TDRD3: variants seen among roughly 807,000 people sequenced by gnomAD.
TDRD3 encodes the protein tudor domain containing 3.
Under a neutral mutation model 86.7 loss-of-function variants are expected in TDRD3, and 45 were observed. The observed-to-expected ratio is 0.52, with a 90% CI of 0.41 to 0.67. The LOEUF (loss-of-function observed/expected upper bound fraction) is 0.67. TDRD3 is among the 30% of genes least tolerant of loss of function. TDRD3 has a pLI of 0.00. For missense variants in TDRD3, 814 were observed against 889.0 expected (o/e 0.92, Z 1.07); for synonymous variants, 298 against 301.7 (o/e 0.99, Z 0.13).
chr13:60,444,867 C>A, intron 3 of TDRD3, 119 bp downstream of exon 3: 1 of 500,970 alleles, frequency 2.0e-6, no homozygotes, highest in Non-Finnish European at 3.4e-6. Flanking sequence ...TGGAGGTGAA[C>A]AGGTCACAAA....
chr13:60,547,967 C>T (rs1181807312), intron 12 of TDRD3, among the ~76,000 whole-genome samples: 10 of 152,018 alleles, frequency 6.6e-5, no homozygotes, highest in Admixed American at 4.6e-4. Context: ...GAGGGAAGTC[C>T]CTTGAATCCT....
At chr13:60,433,613 A>C (rs76569068) in intron 1 of TDRD3, among the ~76,000 whole-genome samples, 7,424 of 152,324 alleles carry the variant, frequency 0.049, 287 homozygotes, top group Middle Eastern at 0.078. Flanking sequence ...ACAGGAGCAA[A>C]TAATTTAAAT....
At chr13:60,527,479 A>G (rs917310168) in intron 10 of TDRD3, among the ~76,000 whole-genome samples, 1 of 152,208 alleles carries the variant, frequency 6.6e-6, no homozygotes, top group African/African-American at 2.4e-5. Flanking sequence ...ATTATGATGT[A>G]TGACAAAGGA....
chr13:60,507,948 C>G (rs1956974023), intron 8 of TDRD3, among the ~76,000 whole-genome samples: 1 of 152,104 alleles, frequency 6.6e-6, no homozygotes, highest in Non-Finnish European at 1.5e-5. Context: ...AGCCAATGTG[C>G]AAAAATCACA....
At chr13:60,514,752 T>C (rs1957132169) in intron 10 of TDRD3, among the ~76,000 whole-genome samples, 1 of 152,084 alleles carries the variant, frequency 6.6e-6, no homozygotes, top group Non-Finnish European at 1.5e-5. Context: ...TCCTAAGGAG[T>C]TTTAATTCTG....
At chr13:60,432,163 A>G (rs1238986511) in intron 1 of TDRD3, among the ~76,000 whole-genome samples, 1 of 152,022 alleles carries the variant, frequency 6.6e-6, no homozygotes, top group Non-Finnish European at 1.5e-5. Context: ...CCTCTGAATT[A>G]CCTTTTGTAG....
rs182561060 is a variant in TDRD3 at position 60,560,293 on chromosome 13, T to A, written c.2119-7232T>A. ...ATTGTAAGGATTAAATAAGATAACA[T>A]GCAAAATGCCAGGCACACAATGGAA... On this transcript the variant is annotated intron_variant, in intron 12 of 13. Coordinates refer to ENST00000377881, the MANE Select transcript of TDRD3 (RefSeq NM_001146070.2). Among the ~76,000 whole-genome samples the A allele has an allele frequency of 5.3e-5, 8 of 152,274 alleles. No homozygotes were observed. The East Asian group carries it at 1.5e-3, about 29-fold the overall frequency.
In TDRD3 at chr13:60,520,086, A is replaced by G. The variant is rs563860091; in HGVS notation, c.1142-8281A>G. ...AAAAGGGGCTTTGAAACACCAAAAA[A>G]TTAGTTGTTTGAACACTGGGCATCA... On this transcript the variant is annotated intron_variant, in intron 10 of 13. Coordinates refer to ENST00000377881, the MANE Select transcript of TDRD3 (RefSeq NM_001146070.2). Among the ~76,000 whole-genome samples the G allele has an allele frequency of 4.9e-4, 74 of 152,308 alleles. 2 individuals carry two copies. The highest frequency in any genetic ancestry group is 1.8e-3 in the African/African-American group (73 of 41,576).
Position 60,460,500 on chromosome 13 carries a change from A to G in TDRD3, c.313A>G (p.Ser105Gly). The G allele has an allele frequency of 6.3e-7, 1 of 1,579,402 alleles. No individual in the cohort carries two copies. The highest frequency in any genetic ancestry group is 8.5e-7 in the Non-Finnish European group (1 of 1,170,230). Residue 105 changes from serine (S) to glycine (G), a missense_variant, in exon 4 of 14, where the codon AGT becomes GGT. By Grantham distance (56) the Ser-to-Gly change is moderately conservative. Coordinates refer to ENST00000377881, the MANE Select transcript of TDRD3 (RefSeq NM_001146070.2). ...LRLQMTDGHISCTAVEFSYMS... is the reference protein window; with the variant it reads ...LRLQMTDGHIGCTAVEFSYMS... ...ATTACAGATGACTGATGGTCATATA[A>G]GTTGCACAGCAGTAGAATTTAGTTA...
chr13:60,532,963 TAA>T (rs1595080908), intron 11 of TDRD3, among the ~76,000 whole-genome samples: 1 of 152,224 alleles, frequency 6.6e-6, no homozygotes, highest in East Asian at 1.9e-4. Context: ...GAAAATATCA[TAA>T]GTCAAAAATA....
At chr13:60,438,772 C>T (rs1365367004) in intron 1 of TDRD3, among the ~76,000 whole-genome samples, 1 of 152,056 alleles carries the variant, frequency 6.6e-6, no homozygotes, top group Non-Finnish European at 1.5e-5. Flanking sequence ...CAAAAATGAG[C>T]TTGAGTTAGA....
intron 5 of TDRD3, among the ~76,000 whole-genome samples, chr13:60,483,320 A>G (rs975904274): frequency 5.3e-5 from 8 of 152,278 alleles, no homozygotes; most frequent in Middle Eastern, 6.8e-3. Flanking sequence ...ATTATACACT[A>G]TAACAATCTG....
chr13:60,529,878 A>G (rs1184456009), intron 11 of TDRD3, among the ~76,000 whole-genome samples: 2 of 152,002 alleles, frequency 1.3e-5, no homozygotes, highest in Non-Finnish European at 2.9e-5. Flanking sequence ...GTAAAAGCCT[A>G]CCCAAGAGAT....
intron 12 of TDRD3, among the ~76,000 whole-genome samples, chr13:60,557,905 C>G (rs1022950431): frequency 6.9e-6 from 1 of 145,162 alleles, no homozygotes; most frequent in African/African-American, 2.5e-5. Flanking sequence ...TCACTGCAAC[C>G]TCCACCTCCC....
At chr13:60,462,902 A>G (rs897276729) in intron 4 of TDRD3, among the ~76,000 whole-genome samples, 3 of 152,206 alleles carry the variant, frequency 2.0e-5, no homozygotes, top group Non-Finnish European at 4.4e-5. Context: ...ACAGCATGGT[A>G]CTGGCATAAA....
chr13:60,424,069 T>C (rs1954733164), intron 1 of TDRD3, among the ~76,000 whole-genome samples: 1 of 152,092 alleles, frequency 6.6e-6, no homozygotes, highest in Non-Finnish European at 1.5e-5. Context: ...TCGCCCAGGC[T>C]GGAGTGCAGT....
In TDRD3 at chr13:60,397,283, TTTA is replaced by T; in HGVS notation, c.-81_-79del. On this transcript the variant is annotated 5_prime_UTR_variant, in exon 1 of 14. Coordinates refer to ENST00000377881, the MANE Select transcript of TDRD3 (RefSeq NM_001146070.2). ...TTTTCTTTTCTTTTCTTTTTTTTTT[TTTA>T]AGGGGGGGGGTCTCAAGTAGGAGGC... 1 of 739,648 alleles carries T rather than the reference TTTA, an allele frequency of 1.4e-6. No individual in the cohort carries two copies. The allele number at this position is 739,648 out of a possible 1,614,324, so 45.8% of individuals were successfully genotyped here.
intron 5 of TDRD3, among the ~76,000 whole-genome samples, chr13:60,470,314 T>C (rs889712483): frequency 6.6e-6 from 1 of 152,174 alleles, no homozygotes; most frequent in Non-Finnish European, 1.5e-5. Context: ...TTAAGTCTTA[T>C]GAATAATGCT....
chr13:60,437,634 AAATT>A (rs1329487185), intron 1 of TDRD3, among the ~76,000 whole-genome samples: 16 of 151,208 alleles, frequency 1.1e-4, no homozygotes, highest in East Asian at 5.8e-4. Flanking sequence ...ATTATAATTT[AAATT>A]AATTAATCTA....
Sources: gnomAD v4.1 joint callset for allele counts (sites outside exome capture counted in the v4.1 genomes callset) on GRCh38, gnomAD v4.1.1 for gene constraint, MANE v1.5 for transcripts, NCBI Gene and HGNC (gene_info 2026-07-23, HGNC 2026-07-21) for gene names.